TNKS: variants seen among roughly 807,000 people sequenced by gnomAD.
The protein encoded by TNKS is poly [ADP-ribose] polymerase tankyrase-1.
A neutral mutation model predicts 135.8 loss-of-function variants in TNKS; 72 were observed. That is an observed-to-expected ratio of 0.53 (90% confidence interval 0.44 to 0.64). The LOEUF (loss-of-function observed/expected upper bound fraction) is 0.64. Ranked by LOEUF, TNKS falls within the 30% of genes least tolerant of loss-of-function variation. TNKS has a pLI of 0.00. For synonymous variants in TNKS, 849 were observed against 649.3 expected, an observed-to-expected ratio of 1.31 and a Z score of -4.68; for missense variants, 1,769 against 1,674.0, an observed-to-expected ratio of 1.06 and a Z score of -0.99.
chr8:9,570,064 A>G (rs1473239050), intron 1 of TNKS, among the ~76,000 whole-genome samples: 2 of 152,030 alleles, frequency 1.3e-5, no homozygotes, highest in South Asian at 2.1e-4. Flanking sequence ...TTTTAAATTT[A>G]TTTTGCTATA....
rs747778065 is a variant in TNKS, at chr8:9,770,090, T to C, written c.3741-16T>C. On this transcript the variant is annotated splice_polypyrimidine_tract_variant and intron_variant, in intron 25 of 26. Coordinates refer to ENST00000310430, the MANE Select transcript of TNKS (RefSeq NM_003747.3). ...TAAAGCTTCCTTCAAAGCATTGTTT[T>C]TTTCTTTTTCCTTAGACAAATGCTC... is the stretch of plus-strand genomic sequence containing the variant. 1 of 1,583,542 alleles carries C rather than the reference T, an allele frequency of 6.3e-7. No homozygotes were observed. Among genetic ancestry groups the C allele is most frequent in the Admixed American group, 1.8e-5 (1 of 56,408 alleles).
chr8:9,618,031 G>A (rs1472597687), intron 3 of TNKS, among the ~76,000 whole-genome samples: 1 of 145,876 alleles, frequency 6.9e-6, no homozygotes, highest in African/African-American at 2.5e-5. Flanking sequence ...CTGTTGCCCA[G>A]GCTAGAGTTC....
chr8:9,692,531 G>C (rs1010789022), intron 5 of TNKS, among the ~76,000 whole-genome samples: 1 of 152,180 alleles, frequency 6.6e-6, no homozygotes, highest in Non-Finnish European at 1.5e-5. Context: ...TATATCTGTC[G>C]TTAGATGCGT....
At chr8:9,669,082 G>A (rs1802140635) in intron 3 of TNKS, among the ~76,000 whole-genome samples, 1 of 152,116 alleles carries the variant, frequency 6.6e-6, no homozygotes, top group Non-Finnish European at 1.5e-5. Flanking sequence ...TGTTATAGGA[G>A]GTGGGTGAAA....
At chr8:9,635,070 T>C (rs1486165419) in intron 3 of TNKS, among the ~76,000 whole-genome samples, 1 of 151,246 alleles carries the variant, frequency 6.6e-6, no homozygotes, top group African/African-American at 2.4e-5. Context: ...CTCGGGAGGC[T>C]GAGGCCGGAG....
chr8:9,655,426 G>A (rs1801317644), intron 3 of TNKS, among the ~76,000 whole-genome samples: 1 of 152,232 alleles, frequency 6.6e-6, no homozygotes, highest in Admixed American at 6.5e-5. Context: ...TGAGATCCGA[G>A]AACGGGCAGA....
intron 22 of TNKS, 103 bp from the exon 23 acceptor site, chr8:9,764,613 A>G: frequency 1.3e-6 from 1 of 745,158 alleles, no homozygotes; most frequent in Non-Finnish European, 2.0e-6. Context: ...TCATCAATTT[A>G]TAGTGAACTC....
At chr8:9,557,271 G>C (rs1363049120) in intron 1 of TNKS, 1 of 152,182 alleles carries the variant, frequency 6.6e-6, no homozygotes, top group African/African-American at 2.4e-5. Context: ...CCTCGTGTCA[G>C]TTGCCTCAGT....
At chr8:9,691,359 C>T (rs1803258625) in intron 5 of TNKS, among the ~76,000 whole-genome samples, 1 of 152,160 alleles carries the variant, frequency 6.6e-6, no homozygotes. Context: ...ATGGAACAGT[C>T]ACACTGTCAT....
At position 9,778,813 on chromosome 8, in the gene TNKS, T is replaced by A. The variant is rs1037955421; in HGVS notation, c.*2077T>A. The A allele has an allele frequency of 1.3e-5, 2 of 152,216 alleles. No homozygotes were observed. Among genetic ancestry groups the A allele is most frequent in the Admixed American group, 1.3e-4 (2 of 15,280 alleles). The allele number at this position is 152,216 out of a possible 1,614,324, so 9.4% of individuals were successfully genotyped here. ...TAGTTTAAAATGGTAAACACAGCTG[T>A]GATTTTTAGTTAAGTAAAAGAGTTA... On this transcript the variant is annotated 3_prime_UTR_variant, in exon 27 of 27. Transcript: ENST00000310430.
chr8:9,665,394 A>G (rs1801939462), intron 3 of TNKS, among the ~76,000 whole-genome samples: 2 of 152,210 alleles, frequency 1.3e-5, no homozygotes, highest in South Asian at 4.1e-4. Context: ...GTTGCCAGGG[A>G]GTCATCATTC....
intron 26 of TNKS, chr8:9,772,353 T>C (rs187353813): frequency 5.9e-5 from 27 of 454,694 alleles, no homozygotes; most frequent in Middle Eastern, 6.5e-4. Flanking sequence ...CAGATAGGCT[T>C]ATATTATCTC....
At chr8:9,706,361 G>C in intron 7 of TNKS, 108 bp downstream of exon 7, 4 of 894,020 alleles carry the variant, frequency 4.5e-6, no homozygotes, top group Non-Finnish European at 6.5e-6. Context: ...AGTTCTTTGG[G>C]GTTTTTTGTT....
At chr8:9,702,966 A>C (rs1233963984) in intron 5 of TNKS, among the ~76,000 whole-genome samples, 1 of 152,188 alleles carries the variant, frequency 6.6e-6, no homozygotes, top group Non-Finnish European at 1.5e-5. Flanking sequence ...CAGTGAGCCG[A>C]GATCAAGCGA....
At chr8:9,612,152 G>A (rs1799486472) in intron 2 of TNKS, among the ~76,000 whole-genome samples, 1 of 152,134 alleles carries the variant, frequency 6.6e-6, no homozygotes, top group African/African-American at 2.4e-5. Context: ...AGAATTTCTT[G>A]TGTGCCCTGG....
At chr8:9,650,182 G>A (rs1801091576) in intron 3 of TNKS, among the ~76,000 whole-genome samples, 1 of 152,088 alleles carries the variant, frequency 6.6e-6, no homozygotes, top group Non-Finnish European at 1.5e-5. Flanking sequence ...GTGAGCTACT[G>A]TGCCCAGCCT....
chr8:9,730,845 A>G (rs374354010), intron 13 of TNKS, 45 bp from the exon 14 acceptor site: 5 of 1,576,936 alleles, frequency 3.2e-6, no homozygotes, highest in African/African-American at 1.4e-5. Flanking sequence ...GTGAATAAAG[A>G]GTAATGTTCG....
chr8:9,723,316 T>A (rs1804995843), intron 12 of TNKS, among the ~76,000 whole-genome samples: 1 of 152,140 alleles, frequency 6.6e-6, no homozygotes, highest in Admixed American at 6.5e-5. Context: ...ATATCTATAA[T>A]GACTTTTGAA....
chr8:9,639,469 T>A (rs1380296983), intron 3 of TNKS, among the ~76,000 whole-genome samples: 1 of 151,960 alleles, frequency 6.6e-6, no homozygotes, highest in Middle Eastern at 3.2e-3. Flanking sequence ...CACTTTAAAA[T>A]GTATACATAG....
Sources: allele counts gnomAD v4.1 joint callset (sites outside exome capture counted in the v4.1 genomes callset), GRCh38; gene constraint gnomAD v4.1.1; transcripts MANE v1.5; gene names NCBI Gene and HGNC (gene_info 2026-07-23, HGNC 2026-07-21).